The following ESS2 variants were observed in gnomAD, a reference collection of about 807,000 sequenced individuals.
ESS2 encodes the protein ess-2 spliceosome associated protein.
ESS2 carries 31 observed loss-of-function variants against 52.0 expected under a neutral mutation model. The observed-to-expected ratio is 0.60, with a 90% CI of 0.45 to 0.81. ESS2 has a LOEUF of 0.81. ESS2 is among the 30% of genes least tolerant of loss of function. The pLI, the probability that ESS2 is intolerant of heterozygous loss-of-function variation, is 0.00. For missense variants in ESS2, 602 were observed against 637.2 expected, an observed-to-expected ratio of 0.94 and a Z score of 0.59; for synonymous variants, 285 against 259.2, an observed-to-expected ratio of 1.10 and a Z score of -0.95.
chr22:19,139,284 C>A lies in ESS2; in HGVS notation c.697G>T (p.Asp233Tyr). The A allele has an allele frequency of 6.3e-7, 1 of 1,596,064 alleles. No individual in the cohort carries two copies. Among genetic ancestry groups the A allele is most frequent in the Non-Finnish European group, 8.5e-7 (1 of 1,169,856 alleles). Residue 233 changes from aspartate to tyrosine, a missense_variant, in exon 6 of 10, where the codon GAC (aspartate) becomes TAC (tyrosine). Transcript: ENST00000252137. ...GGCTTCTTAAACAGCTGCTCCTCGT[C>A]AGGGACACCTGGCAGACGAAGCAAA... Reference protein sequence around the residue: ...SLMYYPEGVPDEEQLFKKPRQ... With the variant: ...SLMYYPEGVPYEEQLFKKPRQ...
At chr22:19,143,397 C>G (rs1285319254) in intron 1 of ESS2, among the ~76,000 whole-genome samples, 1 of 152,078 alleles carries the variant, frequency 6.6e-6, no homozygotes, top group Non-Finnish European at 1.5e-5. Flanking sequence ...GGTAGCCATG[C>G]TGCAACCTCT....
intron 1 of ESS2, among the ~76,000 whole-genome samples, chr22:19,143,202 CAA>C (rs10632625): frequency 3.5e-5 from 4 of 113,014 alleles, no homozygotes; most frequent in Non-Finnish European, 3.5e-5. Flanking sequence ...GAGACCGTCT[CAA>C]AAAAAAAAAA....
intron 8 of ESS2, among the ~76,000 whole-genome samples, 196 bp downstream of exon 8, chr22:19,137,127 C>T (rs1227917324): frequency 6.6e-6 from 1 of 152,148 alleles, no homozygotes; most frequent in Admixed American, 6.5e-5. Flanking sequence ...TGTCTCAGCC[C>T]TTACACCCCC....
intron 1 of ESS2, 148 bp from the exon 2 acceptor site, chr22:19,143,042 T>C (rs1166865868): frequency 1.3e-6 from 1 of 758,114 alleles, no homozygotes; most frequent in East Asian, 2.7e-5. Context: ...CAGTCTCTAC[T>C]AGAAATACAA....
chr22:19,131,431 G>T lies in ESS2; in HGVS notation c.*2765C>A. On this transcript the variant is annotated 3_prime_UTR_variant, in exon 10 of 10. Transcript: ENST00000252137. This position sits in a 1 kb window ranked among gnomAD's most constrained non-coding sequence, Gnocchi z 5.7. ...GATGCCACAGTCCTAAGGAAGAAGG[G>T]TTACATCGTAGGCATCAATCTTGGC... 1 of 1,613,022 alleles carries T rather than the reference G, an allele frequency of 6.2e-7. No homozygotes were observed. Among genetic ancestry groups the T allele is most frequent in the East Asian group, 2.2e-5 (1 of 44,868 alleles).
At chr22:19,143,342 G>A (rs1179585824) in intron 1 of ESS2, among the ~76,000 whole-genome samples, 1 of 152,156 alleles carries the variant, frequency 6.6e-6, no homozygotes, top group Non-Finnish European at 1.5e-5. Flanking sequence ...GGGCTGGATT[G>A]AGGGAGCTTG....
At chr22:19,135,034 TC>T (rs1231279597) in intron 9 of ESS2, 25 bp downstream of exon 9, 13 of 1,604,674 alleles carry the variant, frequency 8.1e-6, no homozygotes, top group Non-Finnish European at 1.0e-5. Flanking sequence ...CCCTCGCACT[TC>T]CCCACCAGCC....
rs994483856 is a variant in ESS2, at chr22:19,133,295, C to G, written c.*901G>C. On this transcript the variant is annotated 3_prime_UTR_variant, in exon 10 of 10. Coordinates refer to ENST00000252137, the MANE Select transcript of ESS2 (RefSeq NM_022719.3). ...CTAGACATGCTCCTCCCCCCTCCCTCCCCACTTCCTGGGGGCTCCCTTGGG... is the reference window on the plus strand; with the variant it reads ...CTAGACATGCTCCTCCCCCCTCCCTGCCCACTTCCTGGGGGCTCCCTTGGG... 1 of 152,458 alleles carries G rather than the reference C, an allele frequency of 6.6e-6. No individual in the cohort carries two copies. Among genetic ancestry groups the G allele is most frequent in the Non-Finnish European group, 1.5e-5 (1 of 68,188 alleles). The allele number at this position is 152,458 out of a possible 1,614,324, so 9.4% of individuals were successfully genotyped here. A position where few individuals can be genotyped will look rare whatever the true frequency, so the allele number is the denominator to read the frequency against.
In ESS2 at chr22:19,137,374, A is replaced by G. The variant is rs2083601436; in HGVS notation, c.984T>C (p.Val328=). ...CCACGTAGGGCGTTTCCGACCCTTC[A>G]ACTCTCAAGGGTGTGTTCTCAACCT... The part of the protein sequence containing the change: ...WGEVENTPLR[V]EGSETPYVDR... The change falls in exon 8 of 10, where the codon GTT becomes GTC. Residue 328 remains valine (V), a synonymous_variant. Transcript: ENST00000252137. The G allele has an allele frequency of 1.2e-6, 2 of 1,613,848 alleles. No individual in the cohort carries two copies.
At chr22:19,135,215 G>T in intron 8 of ESS2, 40 bp from the exon 9 acceptor site, 2 of 1,527,998 alleles carry the variant, frequency 1.3e-6, no homozygotes, top group Middle Eastern at 1.7e-4. Flanking sequence ...CGCCAGGCCT[G>T]CCACACGCCA....
At chr22:19,143,402 A>C (rs903421940) in intron 1 of ESS2, among the ~76,000 whole-genome samples, 1 of 151,880 alleles carries the variant, frequency 6.6e-6, no homozygotes, top group South Asian at 2.1e-4. Context: ...CCATGCTGCA[A>C]CCTCTAACAT....
In ESS2 at chr22:19,131,451, C is replaced by T; in HGVS notation, c.*2745G>A. The T allele has an allele frequency of 2.5e-6, 4 of 1,613,980 alleles. No homozygotes were observed. The highest frequency in any genetic ancestry group is 3.4e-6 in the Non-Finnish European group (4 of 1,179,926). ...GAAGGGTTACATCGTAGGCATCAAT[C>T]TTGGCAAGGGTTCCTACGCAAAAGT... On this transcript the variant is annotated 3_prime_UTR_variant, in exon 10 of 10. Coordinates refer to ENST00000252137, the MANE Select transcript of ESS2 (RefSeq NM_022719.3). The surrounding 1 kb of genome is among the most constrained non-coding windows in gnomAD (Gnocchi z 5.7).
Position 19,131,348 on chromosome 22 carries a change from C to A in ESS2, c.*2848G>T. ...TGTAAATGAGGACAATGCCTGCTGG[C>A]CCACATGACGGGGGGATGTAGACGG... On this transcript the variant is annotated 3_prime_UTR_variant, in exon 10 of 10. Transcript: ENST00000252137. The surrounding 1 kb of genome is among the most constrained non-coding windows in gnomAD (Gnocchi z 5.7). 6.7e-7 allele frequency: 1 copy of A among 1,488,776 alleles called. No individual in the cohort carries two copies. Among genetic ancestry groups the A allele is most frequent in the Non-Finnish European group, 9.1e-7 (1 of 1,095,188 alleles). The allele number at this position is 1,488,776 out of a possible 1,614,324, so 92.2% of individuals were successfully genotyped here.
intron 8 of ESS2, 46 bp from the exon 9 acceptor site, chr22:19,135,221 C>T (rs370685468): frequency 5.4e-5 from 80 of 1,487,332 alleles, no homozygotes; most frequent in South Asian, 5.2e-4. Flanking sequence ...GCCTGCCACA[C>T]GCCAGGCAGC....
At position 19,142,832 on chromosome 22, in the gene ESS2, C is replaced by A; in HGVS notation, c.198G>T (p.Lys66Asn). The change falls in exon 2 of 10, where the codon AAG becomes AAT. Residue 66 changes from lysine to asparagine, a missense_variant. Physicochemically the swap from Lys to Asn is moderately conservative, Grantham distance 94. Transcript: ENST00000252137. ...CATTCTCCTCGGCTTCCAGGTACTCCTTCTGTGCCTGGAGCTTCTCCACAT... is the reference window on the plus strand; with the variant it reads ...CATTCTCCTCGGCTTCCAGGTACTCATTCTGTGCCTGGAGCTTCTCCACAT... ...FPDVEKLQAQ[K>N]EYLEAEENGD... 2 of 1,614,050 alleles carry A rather than the reference C, an allele frequency of 1.2e-6. No individual in the cohort carries two copies. Among genetic ancestry groups the A allele is most frequent in the Non-Finnish European group, 1.7e-6 (2 of 1,179,972 alleles).
intron 1 of ESS2, chr22:19,143,985 C>A (rs2083740813): frequency 1.0e-6 from 1 of 971,454 alleles, no homozygotes; most frequent in Non-Finnish European, 1.2e-6. Flanking sequence ...GGCACCCAAC[C>A]GTCCGTTAAA....
chr22:19,138,371 C>G (rs1436718630), intron 6 of ESS2, 54 bp from the exon 7 acceptor site: 40 of 1,534,678 alleles, frequency 2.6e-5, no homozygotes, highest in Non-Finnish European at 3.5e-5. Context: ...CGCTCGACAG[C>G]TGGCCGGTGG....
At chr22:19,137,874 AG>A (rs2146096499) in intron 7 of ESS2, 1 of 985,378 alleles carries the variant, frequency 1.0e-6, no homozygotes, top group Non-Finnish European at 1.2e-6. Context: ...ACCTCCACTG[AG>A]GTGCTGGGCC....
At chr22:19,140,328 G>C (rs915349834) in intron 3 of ESS2, among the ~76,000 whole-genome samples, 29 of 152,148 alleles carry the variant, frequency 1.9e-4, no homozygotes, top group Admixed American at 1.6e-3. Flanking sequence ...ACAGGTGTTA[G>C]AGCAAGAGCT....
Sources: allele counts gnomAD v4.1 joint callset (sites outside exome capture counted in the v4.1 genomes callset), GRCh38; gene constraint gnomAD v4.1.1; non-coding constraint Gnocchi (gnomAD v3.1); transcripts MANE v1.5; gene names NCBI Gene and HGNC (gene_info 2026-07-23, HGNC 2026-07-21).